Variants in KLF7 observed in about 807,000 individuals in gnomAD.
KLF7 encodes the protein Krueppel-like factor 7.
KLF7 carries 2 observed loss-of-function variants against 27.3 expected under a neutral mutation model. The observed-to-expected ratio is 0.07, with a 90% CI of 0.03 to 0.23. The LOEUF is 0.23. Ranked by LOEUF, KLF7 falls within the 10% of genes least tolerant of loss-of-function variation. The probability of loss-of-function intolerance (pLI) is 1.00; values close to 1 mark genes in which losing one functional copy is unlikely to be tolerated. For missense variants in KLF7, 221 were observed against 394.1 expected, an observed-to-expected ratio of 0.56 and a Z score of 3.72; for synonymous variants, 165 against 162.4, an observed-to-expected ratio of 1.02 and a Z score of -0.12.
chr2:207,141,341 C>T (rs1176884249), intron 1 of KLF7, among the ~76,000 whole-genome samples: 2 of 152,162 alleles, frequency 1.3e-5, no homozygotes, highest in Non-Finnish European at 2.9e-5. Context: ...CCTTAGGGTG[C>T]TGCAGTAGGT....
At position 207,074,480 on chromosome 2, in the gene KLF7, C is replaced by A. The variant is rs745555065; in HGVS notation, c.*6733G>T. The stretch of plus-strand genomic sequence containing the variant: ...TTCCCTGGGGCTTTCATCTCCCTCT[C>A]TTCTCTGGGTCTGAAGCTGCTTGTA... On this transcript the variant is annotated 3_prime_UTR_variant, in exon 4 of 4. Transcript: ENST00000309446. 1 of 152,210 alleles carries A rather than the reference C, an allele frequency of 6.6e-6. No individual in the cohort carries two copies. The highest frequency in any genetic ancestry group is 1.5e-5 in the Non-Finnish European group (1 of 68,084). The allele number at this position is 152,210 out of a possible 1,614,324, so 9.4% of individuals were successfully genotyped here.
chr2:207,076,583 A>G lies in KLF7; in HGVS notation c.*4630T>C, dbSNP rs2076179758. ...AAGAAAAAACCCTGAAGCCTCAGGC[A>G]GTTCGTCGTGGGAGGTCACGTTATT... On this transcript the variant is annotated 3_prime_UTR_variant, in exon 4 of 4. Coordinates refer to ENST00000309446, the MANE Select transcript of KLF7 (RefSeq NM_003709.4). 1 of 152,200 alleles carries G rather than the reference A, an allele frequency of 6.6e-6. No homozygotes were observed. The highest frequency in any genetic ancestry group is 1.5e-5 in the Non-Finnish European group (1 of 68,036). 9.4% of individuals were successfully genotyped at this position (152,200 alleles called of 1,614,324 possible).
chr2:207,166,672 G>A (rs1329456620), upstream of KLF7: 5 of 420,888 alleles, frequency 1.2e-5, no homozygotes, highest in Admixed American at 6.4e-5. Flanking sequence ...CGCGGAGCGG[G>A]AAGGAAGGAC....
intron 2 of KLF7, among the ~76,000 whole-genome samples, chr2:207,116,261 G>A (rs1415178811): frequency 1.3e-5 from 2 of 152,108 alleles, no homozygotes; most frequent in African/African-American, 4.8e-5. Context: ...CTGAGGATCC[G>A]TTATCAAGGT....
chr2:207,173,268 T>A, the KLF7 span, among the ~76,000 whole-genome samples: 1 of 152,182 alleles, frequency 6.6e-6, no homozygotes. Flanking sequence ...CATTCTGTGC[T>A]CACTTTCTGC....
At chr2:207,096,272 C>T (rs13012163) in intron 2 of KLF7, among the ~76,000 whole-genome samples, 75,606 of 152,044 alleles carry the variant, frequency 0.5, 19,992 homozygotes, top group Middle Eastern at 0.65. Flanking sequence ...CTCATTACTA[C>T]CAACCTTGTC....
chr2:207,155,545 T>G (rs2078359188), intron 1 of KLF7, among the ~76,000 whole-genome samples: 1 of 152,182 alleles, frequency 6.6e-6, no homozygotes, highest in African/African-American at 2.4e-5. Context: ...CACAGATGTT[T>G]GTTACATTCT....
intron 1 of KLF7, among the ~76,000 whole-genome samples, chr2:207,126,913 T>C (rs2077494015): frequency 6.6e-6 from 1 of 151,558 alleles, no homozygotes; most frequent in African/African-American, 2.4e-5. Context: ...CATCACTGCC[T>C]GTGAATAGAG....
At chr2:207,125,644 T>C (rs1209106815) in intron 1 of KLF7, among the ~76,000 whole-genome samples, 1 of 152,264 alleles carries the variant, frequency 6.6e-6, no homozygotes, top group Admixed American at 6.5e-5. Context: ...ATCACACTTC[T>C]GGTAAAACTC....
intron 2 of KLF7, among the ~76,000 whole-genome samples, chr2:207,118,278 G>C (rs1018252170): frequency 6.6e-6 from 1 of 152,112 alleles, no homozygotes; most frequent in African/African-American, 2.4e-5. Context: ...ATTAAAAAAA[G>C]TGAAAATAGT....
At chr2:207,096,410 G>C (rs1339963855) in intron 2 of KLF7, among the ~76,000 whole-genome samples, 1 of 152,176 alleles carries the variant, frequency 6.6e-6, no homozygotes, top group East Asian at 1.9e-4. Context: ...TGCAGATTCC[G>C]AGTTCCCATC....
chr2:207,157,219 TAAA>T lies in KLF7; in HGVS notation c.102+8245_102+8247del, dbSNP rs5838052. Among the ~76,000 whole-genome samples the T allele has an allele frequency of 6.3e-3, 550 of 87,278 alleles. 3 individuals are homozygous for T. Among genetic ancestry groups the T allele is most frequent in the African/African-American group, 0.022 (522 of 23,298 alleles). 57.3% of individuals were successfully genotyped at this position (87,278 alleles called of 152,430 possible). On this transcript the variant is annotated intron_variant, in intron 1 of 3. Transcript: ENST00000309446. ...CAAGAAAAATGACACAACAGAAAAG[TAAA>T]AAAAAAAAAAAAAAAAAAAGAAAAG...
chr2:207,077,186 C>T lies in KLF7; in HGVS notation c.*4027G>A, dbSNP rs1356753189. 1.3e-5 allele frequency: 2 copies of T among 152,158 alleles called. No homozygotes were observed. Among genetic ancestry groups the T allele is most frequent in the Non-Finnish European group, 2.9e-5 (2 of 68,020 alleles). 9.4% of individuals were successfully genotyped at this position (152,158 alleles called of 1,614,324 possible). On this transcript the variant is annotated 3_prime_UTR_variant, in exon 4 of 4. Coordinates refer to ENST00000309446, the MANE Select transcript of KLF7 (RefSeq NM_003709.4). ...GAGTCACTGGGTTTTGTTCTTGCAA[C>T]TTGAGTTTCTTTTGGCTTTGCCATA...
rs79681926 is a variant in KLF7 at position 207,158,477 on chromosome 2, G to A, written c.102+6990C>T. 2.4e-4 allele frequency among the ~76,000 whole-genome samples: 36 copies of A among 152,268 alleles called. No homozygotes were observed. In the East Asian group the frequency reaches 6.9e-3, roughly 29 times the overall value. On this transcript the variant is annotated intron_variant, in intron 1 of 3. Coordinates refer to ENST00000309446, the MANE Select transcript of KLF7 (RefSeq NM_003709.4). ...AGTTTCGGGCACTCTCTTTGTTGGT[G>A]AGGTGCCAGAAACAAAGCAATTTCA...
At chr2:207,122,037 T>C (rs986646342) in intron 2 of KLF7, 1 of 152,230 alleles carries the variant, frequency 6.6e-6, no homozygotes. Flanking sequence ...AGATGAGTCA[T>C]GCACTCCAGC....
rs112721261 is a variant in KLF7 at position 207,092,210 on chromosome 2, G to A, written c.734-3629C>T. On this transcript the variant is annotated intron_variant, in intron 2 of 3. Coordinates refer to ENST00000309446, the MANE Select transcript of KLF7 (RefSeq NM_003709.4). ...CTGTTCAGCTCACTGCACCTCTAGA[G>A]TGAACAAAAATGCTCAAGAGTGGTC... Among the ~76,000 whole-genome samples the A allele has an allele frequency of 2.6e-3, 402 of 152,302 alleles. 4 individuals carry two copies. The highest frequency in any genetic ancestry group is 9.4e-3 in the African/African-American group (390 of 41,564).
At chr2:207,152,115 G>A (rs1476883701) in intron 1 of KLF7, among the ~76,000 whole-genome samples, 1 of 152,030 alleles carries the variant, frequency 6.6e-6, no homozygotes, top group African/African-American at 2.4e-5. Flanking sequence ...ATAATACCCT[G>A]GACTTTTTCA....
At position 207,165,803 on chromosome 2, in the gene KLF7, A is replaced by G; in HGVS notation, c.-235T>C. The G allele has an allele frequency of 7.1e-7, 1 of 1,412,064 alleles. No homozygotes were observed. Among genetic ancestry groups the G allele is most frequent in the Non-Finnish European group, 9.2e-7 (1 of 1,086,564 alleles). The allele number at this position is 1,412,064 out of a possible 1,614,324, so 87.5% of individuals were successfully genotyped here. A position where few individuals can be genotyped will look rare whatever the true frequency, so the allele number is the denominator to read the frequency against. ...GGATGGAGAGAGGCATCCAGCGTGTACAGTGCAGACGACTGCCAGGAAAAG... is the reference window on the plus strand; with the variant it reads ...GGATGGAGAGAGGCATCCAGCGTGTGCAGTGCAGACGACTGCCAGGAAAAG... On this transcript the variant is annotated 5_prime_UTR_variant, in exon 1 of 4. Coordinates refer to ENST00000309446, the MANE Select transcript of KLF7 (RefSeq NM_003709.4).
At chr2:207,112,446 G>T (rs2105943368) in intron 2 of KLF7, among the ~76,000 whole-genome samples, 2 of 152,272 alleles carry the variant, frequency 1.3e-5, no homozygotes, top group Admixed American at 1.3e-4. Context: ...TTGTAGCTCA[G>T]CCTAGGCCTC....
Sources: allele counts gnomAD v4.1 joint callset (sites outside exome capture counted in the v4.1 genomes callset), GRCh38; gene constraint gnomAD v4.1.1; transcripts MANE v1.5; gene names NCBI Gene and HGNC (gene_info 2026-07-23, HGNC 2026-07-21).